Variants in CALR3 observed in about 807,000 individuals in gnomAD.
CALR3 encodes calreticulin-3.
A neutral mutation model predicts 48.7 loss-of-function variants in CALR3; 39 were observed. That is an observed-to-expected ratio of 0.80 (90% CI 0.62 to 1.05). The LOEUF (loss-of-function observed/expected upper bound fraction) is 1.05, where lower values mean the gene tolerates loss of function less well. Among genes scored for constraint, CALR3 ranks in the 50% least tolerant of loss-of-function variants. The pLI is 0.00. For synonymous variants in CALR3, 185 were observed against 172.7 expected, an observed-to-expected ratio of 1.07 and a Z score of -0.56; for missense variants, 449 against 474.7, an observed-to-expected ratio of 0.95 and a Z score of 0.50.
chr19:16,483,012 T>C (rs1225583312), intron 5 of CALR3, among the ~76,000 whole-genome samples: 1 of 152,064 alleles, frequency 6.6e-6, no homozygotes, highest in East Asian at 1.9e-4. Flanking sequence ...ACCTGGCTAC[T>C]ATTTTTATGT....
chr19:16,484,512 GTTTATT>G (rs1253883423), intron 4 of CALR3, among the ~76,000 whole-genome samples: 1 of 151,726 alleles, frequency 6.6e-6, no homozygotes, highest in Non-Finnish European at 1.5e-5. Flanking sequence ...TAAATATGCA[GTTTATT>G]TTTATTTTTA....
At chr19:16,480,116 T>A (rs192747347) in intron 8 of CALR3, among the ~76,000 whole-genome samples, 1,507 of 143,256 alleles carry the variant, frequency 0.011, 20 homozygotes, top group Admixed American at 0.022. Flanking sequence ...GGCAGGAGAA[T>A]CGCTTGAACC....
At chr19:16,494,117 G>A (rs1173856312) in intron 2 of CALR3, among the ~76,000 whole-genome samples, 2 of 152,156 alleles carry the variant, frequency 1.3e-5, no homozygotes, top group Non-Finnish European at 2.9e-5. Flanking sequence ...CTGGAGTGCA[G>A]TGGTACAATC....
At chr19:16,489,778 G>A (rs1204440363) in intron 3 of CALR3, among the ~76,000 whole-genome samples, 1 of 151,934 alleles carries the variant, frequency 6.6e-6, no homozygotes, top group Non-Finnish European at 1.5e-5. Flanking sequence ...CATTGCCATT[G>A]CACTCCAGCC....
At position 16,482,701 on chromosome 19, in the gene CALR3, T is replaced by C; in HGVS notation, c.763A>G (p.Met255Val). ...ACCTGGTACGGGGGCTTCTGGAGCATCGGCGCTGGCCAGTCCCCATCCAGG... is the reference window on the plus strand; with the variant it reads ...ACCTGGTACGGGGGCTTCTGGAGCACCGGCGCTGGCCAGTCCCCATCCAGG... ...GDLDGDWPAP[M>V]LQKPPYQDGL... Residue 255 changes from methionine (M) to valine (V), a missense_variant, in exon 6 of 9, where the codon ATG becomes GTG. Transcript: ENST00000269881. 1.2e-6 allele frequency: 2 copies of C among 1,614,070 alleles called. No homozygotes were observed. The highest frequency in any genetic ancestry group is 1.7e-4 in the Middle Eastern group (1 of 6,038).
intron 4 of CALR3, 71 bp downstream of exon 4, chr19:16,485,092 T>G: frequency 1.9e-6 from 2 of 1,068,588 alleles, no homozygotes; most frequent in Non-Finnish European, 2.9e-6. Flanking sequence ...TATTTTATTA[T>G]CAAAACTATT....
intron 3 of CALR3, among the ~76,000 whole-genome samples, chr19:16,488,701 C>T (rs972210548): frequency 6.6e-6 from 1 of 152,178 alleles, no homozygotes; most frequent in African/African-American, 2.4e-5. Context: ...AGCCGCGACA[C>T]CCGGCCTGAG....
chr19:16,480,200 CAAAA>C (rs57759885), intron 8 of CALR3, among the ~76,000 whole-genome samples: 3 of 70,774 alleles, frequency 4.2e-5, no homozygotes, highest in Non-Finnish European at 8.3e-5. Flanking sequence ...GACTCCGTCT[CAAAA>C]AAAAAAAAAA....
rs1003038871 is a variant in CALR3 at position 16,482,685 on chromosome 19, G to A, written c.779C>T (p.Pro260Leu). Reference protein sequence around the residue: ...DWPAPMLQKPPYQDGLKPEGI... With the variant: ...DWPAPMLQKPLYQDGLKPEGI... Reference sequence around the variant, plus strand: ...TACAAAGAGGCCACACACCTGGTACGGGGGCTTCTGGAGCATCGGCGCTGG... The same window carrying A: ...TACAAAGAGGCCACACACCTGGTACAGGGGCTTCTGGAGCATCGGCGCTGG... The change falls in exon 6 of 9, where the codon CCG becomes CTG. Residue 260 changes from proline (P) to leucine (L), a missense_variant. Coordinates refer to ENST00000269881, the MANE Select transcript of CALR3 (RefSeq NM_145046.5). 1.8e-5 allele frequency: 29 copies of A among 1,614,002 alleles called. No individual in the cohort carries two copies. The highest frequency in any genetic ancestry group is 4.0e-5 in the African/African-American group (3 of 74,926).
intron 2 of CALR3, among the ~76,000 whole-genome samples, chr19:16,493,659 C>T (rs2093401345): frequency 6.7e-6 from 1 of 149,902 alleles, no homozygotes; most frequent in Non-Finnish European, 1.5e-5. Context: ...ATGTGATTCT[C>T]CTGCCTCAAT....
chr19:16,495,915 G>A (rs1251244802), intron 1 of CALR3, 63 bp from the exon 2 acceptor site: 2 of 1,579,462 alleles, frequency 1.3e-6, no homozygotes, highest in Admixed American at 1.7e-5. Context: ...CTAAGGGAAG[G>A]GTGAAGGGGA....
intron 1 of CALR3, 43 bp from the exon 2 acceptor site, chr19:16,495,895 T>A: frequency 6.3e-7 from 1 of 1,596,614 alleles, no homozygotes. Context: ...GTGATAATGG[T>A]TAATTTGGGC....
chr19:16,494,512 C>T (rs1599722828), intron 2 of CALR3, among the ~76,000 whole-genome samples: 1 of 152,216 alleles, frequency 6.6e-6, no homozygotes, highest in Admixed American at 6.6e-5. Context: ...CAGGCATGAG[C>T]CACCACACCC....
intron 5 of CALR3, 82 bp downstream of exon 5, chr19:16,483,848 G>T: frequency 7.0e-7 from 1 of 1,435,504 alleles, no homozygotes; most frequent in South Asian, 1.2e-5. Flanking sequence ...GTGGCTACCA[G>T]CCATGCAGCA....
intron 7 of CALR3, 90 bp downstream of exon 7, chr19:16,482,360 C>T: frequency 6.4e-7 from 1 of 1,566,088 alleles, no homozygotes. Flanking sequence ...GCCTAGGTGA[C>T]AGAATGAGAC....
At chr19:16,495,401 G>C (rs182519072) in intron 2 of CALR3, among the ~76,000 whole-genome samples, 1 of 150,114 alleles carries the variant, frequency 6.7e-6, no homozygotes, top group South Asian at 2.1e-4. Context: ...TCTACTAAAA[G>C]TACAAAAATT....
At chr19:16,490,919 C>T (rs1213146528) in intron 2 of CALR3, among the ~76,000 whole-genome samples, 3 of 151,464 alleles carry the variant, frequency 2.0e-5, no homozygotes, top group Non-Finnish European at 4.4e-5. Context: ...AGCCACCACG[C>T]CAGGCTAATT....
chr19:16,488,563 C>A (rs567325376), intron 3 of CALR3, among the ~76,000 whole-genome samples: 1 of 147,960 alleles, frequency 6.8e-6, no homozygotes, highest in South Asian at 2.1e-4. Flanking sequence ...TGCCACTATG[C>A]CCGGCTAATT....
chr19:16,486,524 G>A (rs2093389319), intron 3 of CALR3, among the ~76,000 whole-genome samples: 1 of 151,038 alleles, frequency 6.6e-6, no homozygotes, highest in Non-Finnish European at 1.5e-5. Context: ...GGAGGCTGAG[G>A]CAGGAGAATG....
Sources: gnomAD v4.1 joint callset for allele counts (sites outside exome capture counted in the v4.1 genomes callset) on GRCh38, gnomAD v4.1.1 for gene constraint, MANE v1.5 for transcripts, NCBI Gene and HGNC (gene_info 2026-07-23, HGNC 2026-07-21) for gene names.